The following UHMK1 variants were observed in gnomAD, a reference collection of about 807,000 sequenced individuals.
UHMK1 encodes serine/threonine-protein kinase Kist.
A neutral mutation model predicts 44.0 loss-of-function variants in UHMK1; 18 were observed. That is an observed-to-expected ratio of 0.41 (90% CI 0.28 to 0.61). UHMK1 has a LOEUF of 0.61. Ranked by LOEUF, UHMK1 falls within the 20% of genes least tolerant of loss-of-function variation. The probability of loss-of-function intolerance (pLI) is 0.31; values close to 1 mark genes in which losing one functional copy is unlikely to be tolerated. For synonymous variants in UHMK1, 231 were observed against 198.5 expected (o/e 1.16, Z -1.38); for missense variants, 463 against 522.5 (o/e 0.89, Z 1.11).
rs1652053592 is a variant in UHMK1, at chr1:162,521,383, T to G, written c.1114-1021T>G. ...GCATGTCTACTCATTTATCGAACTTTGCTCTATAGGTTTGGGCATAATTAA... is the reference window on the plus strand; with the variant it reads ...GCATGTCTACTCATTTATCGAACTTGGCTCTATAGGTTTGGGCATAATTAA... On this transcript the variant is annotated intron_variant, in intron 7 of 7. Coordinates refer to ENST00000489294, the MANE Select transcript of UHMK1 (RefSeq NM_175866.5). 2.6e-5 allele frequency among the ~76,000 whole-genome samples: 4 copies of G among 152,228 alleles called. No homozygotes were observed. In the Middle Eastern group the frequency reaches 0.014, roughly 518 times the overall value.
Position 162,498,204 on chromosome 1 carries a change from C to A in UHMK1, c.204C>A (p.Ala68=), listed in dbSNP as rs1438737723. ...PPGTTGAAAS[A]AEYGFRKERA... ...GAACCACCGGGGCTGCGGCCTCTGC[C>A]GCCGAGTATGGTTTCCGCAAAGAGA... Residue 68 remains alanine, a synonymous_variant, in exon 1 of 8, where the codon GCC becomes GCA. Transcript: ENST00000489294. 1.9e-6 allele frequency: 3 copies of A among 1,612,290 alleles called. No homozygotes were observed. Among genetic ancestry groups the A allele is most frequent in the South Asian group, 2.2e-5 (2 of 90,922 alleles).
intron 4 of UHMK1, among the ~76,000 whole-genome samples, chr1:162,508,523 G>A (rs1287351856): frequency 1.3e-5 from 2 of 151,694 alleles, no homozygotes; most frequent in Non-Finnish European, 2.9e-5. Flanking sequence ...GGCCAACATG[G>A]TGAAATCCCG....
intron 3 of UHMK1, among the ~76,000 whole-genome samples, chr1:162,501,926 TAAAAAAA>T (rs34424551): frequency 2.4e-4 from 31 of 130,314 alleles, no homozygotes; most frequent in Non-Finnish European, 4.4e-4. Context: ...CAGTCTCTAG[TAAAAAAA>T]AAAAAAAAAA....
Position 162,522,725 on chromosome 1 carries a change from A to G in UHMK1, c.*175A>G. On this transcript the variant is annotated 3_prime_UTR_variant, in exon 8 of 8. Transcript: ENST00000489294. The stretch of plus-strand genomic sequence containing the variant: ...ACTGCGTTGCATACATTTGGCACTG[A>G]GTAGGACAAGACCTCTCAGCTATAC... The G allele has an allele frequency of 1.4e-6, 1 of 691,530 alleles. No individual in the cohort carries two copies. The highest frequency in any genetic ancestry group is 2.3e-6 in the Non-Finnish European group (1 of 431,642). The allele number at this position is 691,530 out of a possible 1,614,324, so 42.8% of individuals were successfully genotyped here. A position where few individuals can be genotyped will look rare whatever the true frequency, so the allele number is the denominator to read the frequency against.
chr1:162,514,317 G>A (rs1286244402), intron 6 of UHMK1, among the ~76,000 whole-genome samples: 4 of 151,788 alleles, frequency 2.6e-5, no homozygotes, highest in African/African-American at 9.7e-5. Flanking sequence ...GGTAGACTGA[G>A]TTTACATGAT....
intron 4 of UHMK1, among the ~76,000 whole-genome samples, chr1:162,509,788 G>A (rs996755423): frequency 6.6e-6 from 1 of 152,152 alleles, no homozygotes; most frequent in African/African-American, 2.4e-5. Flanking sequence ...GACTACAGGT[G>A]CACAGCACCA....
At chr1:162,521,715 G>A (rs1192363554) in intron 7 of UHMK1, among the ~76,000 whole-genome samples, 2 of 152,168 alleles carry the variant, frequency 1.3e-5, no homozygotes, top group South Asian at 2.1e-4. Flanking sequence ...TGCAACCTTC[G>A]CCTCCCGGGT....
chr1:162,502,348 C>T (rs1651301449), intron 3 of UHMK1, among the ~76,000 whole-genome samples: 1 of 152,066 alleles, frequency 6.6e-6, no homozygotes. Flanking sequence ...CACTGATTTC[C>T]ATTGTAGCAT....
intron 6 of UHMK1, among the ~76,000 whole-genome samples, chr1:162,517,800 G>T (rs573677048): frequency 1.3e-5 from 2 of 151,944 alleles, no homozygotes; most frequent in East Asian, 3.9e-4. Context: ...GAGAAGAATC[G>T]CTTGAACCCG....
Position 162,518,113 on chromosome 1 carries a change from G to C in UHMK1, c.1036G>C (p.Asp346His). 2.5e-6 allele frequency: 4 copies of C among 1,610,732 alleles called. No individual in the cohort carries two copies. Among genetic ancestry groups the C allele is most frequent in the Non-Finnish European group, 3.4e-6 (4 of 1,177,122 alleles). The change falls in exon 7 of 8, where the codon GAT (aspartate) becomes CAT (histidine). Residue 346 changes from aspartate (D) to histidine (H), a missense_variant. Physicochemically the swap from Asp to His is moderately conservative, Grantham distance 81. Transcript: ENST00000489294. ...GTTTTAATAATCAGATGTTGTAGAA[G>C]ATGTAAAAGAGGAGTGTCAAAAATA... ...NEEEYEDVVE[D>H]VKEECQKYGP...
intron 4 of UHMK1, among the ~76,000 whole-genome samples, chr1:162,507,474 G>A (rs920459860): frequency 2.0e-5 from 3 of 151,180 alleles, no homozygotes; most frequent in Admixed American, 2.0e-4. Context: ...TAAGAGACGA[G>A]GTCCCACCAT....
At position 162,506,223 on chromosome 1, in the gene UHMK1, G is replaced by GC. The variant is rs3035616; in HGVS notation, c.848+2388dup. Among the ~76,000 whole-genome samples, 795 of 121,448 alleles carry GC rather than the reference G, an allele frequency of 6.5e-3. 3 individuals carry two copies. The highest frequency in any genetic ancestry group is 9.2e-3 in the Non-Finnish European group (532 of 57,520). The allele number at this position is 121,448 out of a possible 152,430, so 79.7% of individuals were successfully genotyped here. A position where few individuals can be genotyped will look rare whatever the true frequency, so the allele number is the denominator to read the frequency against. ...TTATTTTTATTTTTTTTAAATAATAGCCCCCCCCCCCCCACCATTTTACAT... is the reference window on the plus strand; with the variant it reads ...TTATTTTTATTTTTTTTAAATAATAGCCCCCCCCCCCCCCACCATTTTACAT... On this transcript the variant is annotated intron_variant, in intron 4 of 7. Transcript: ENST00000489294.
rs1488586893 is a variant in UHMK1, at chr1:162,528,258, A to G, written c.*5708A>G. Reference sequence around the variant, plus strand: ...AGAGTAAAGAGGAGAGAGATAAGTAATAAAAATAGAGGAGGGGAAGAAAAT... The same window carrying G: ...AGAGTAAAGAGGAGAGAGATAAGTAGTAAAAATAGAGGAGGGGAAGAAAAT... On this transcript the variant is annotated 3_prime_UTR_variant, in exon 8 of 8. Transcript: ENST00000489294. The G allele has an allele frequency of 6.6e-6, 1 of 152,048 alleles. No individual in the cohort carries two copies. The highest frequency in any genetic ancestry group is 1.5e-5 in the Non-Finnish European group (1 of 67,942). 9.4% of individuals were successfully genotyped at this position (152,048 alleles called of 1,614,324 possible). A position where few individuals can be genotyped will look rare whatever the true frequency, so the allele number is the denominator to read the frequency against.
intron 7 of UHMK1, among the ~76,000 whole-genome samples, chr1:162,519,060 T>C (rs1282547793): frequency 1.3e-5 from 2 of 151,194 alleles, no homozygotes; most frequent in Admixed American, 1.3e-4. Context: ...CTCATGCATG[T>C]AATCCTAGCA....
intron 4 of UHMK1, among the ~76,000 whole-genome samples, chr1:162,505,050 C>T (rs980263511): frequency 5.9e-5 from 9 of 152,272 alleles, no homozygotes; most frequent in Admixed American, 1.3e-4. Context: ...GCTGGGATTA[C>T]AGGTGTGTGC....
Position 162,512,526 on chromosome 1 carries a change from G to A in UHMK1, c.875G>A (p.Arg292Lys). The A allele has an allele frequency of 1.2e-6, 2 of 1,612,890 alleles. No individual in the cohort carries two copies. Among genetic ancestry groups the A allele is most frequent in the Non-Finnish European group, 1.7e-6 (2 of 1,179,770 alleles). ...KSMLHDDPSRRIPAEMALCSP... is the reference protein window; with the variant it reads ...KSMLHDDPSRKIPAEMALCSP... ...ATGCTTCATGATGATCCAAGCAGAA[G>A]AATTCCTGCTGAAATGGCATTGTGC... The change falls in exon 5 of 8, where the codon AGA (arginine) becomes AAA (lysine). Residue 292 changes from arginine to lysine, a missense_variant. By Grantham distance (26) the Arg-to-Lys change is conservative. This residue lies in a region of UHMK1 where 264 missense variants were observed against 326.3 expected (regional missense o/e 0.81). Coordinates refer to ENST00000489294, the MANE Select transcript of UHMK1 (RefSeq NM_175866.5).
intron 4 of UHMK1, among the ~76,000 whole-genome samples, chr1:162,508,697 G>A (rs1651563207): frequency 6.7e-6 from 1 of 149,564 alleles, no homozygotes; most frequent in Non-Finnish European, 1.5e-5. Flanking sequence ...GCAGGACTCT[G>A]TCTTCAAAAA....
intron 4 of UHMK1, among the ~76,000 whole-genome samples, chr1:162,508,277 A>G (rs1651548231): frequency 6.6e-6 from 1 of 151,882 alleles, no homozygotes; most frequent in Non-Finnish European, 1.5e-5. Context: ...AGGCCCAACT[A>G]ATTTTCATGT....
Position 162,519,314 on chromosome 1 carries a change from T to TAA in UHMK1, c.1113+1124_1113+1125insAA, listed in dbSNP as rs1320079950. 1.1e-3 allele frequency among the ~76,000 whole-genome samples: 66 copies of TAA among 57,848 alleles called. 2 individuals carry two copies. The South Asian group carries it at 0.035, about 31-fold the overall frequency. The allele number at this position is 57,848 out of a possible 152,430, so 38.0% of individuals were successfully genotyped here. A position where few individuals can be genotyped will look rare whatever the true frequency, so the allele number is the denominator to read the frequency against. ...CTGGGTGACAGAGCGAGACTCCATC[T>TAA]TAAAAAAAAAAAAAACAGTAACACC... On this transcript the variant is annotated intron_variant, in intron 7 of 7. Coordinates refer to ENST00000489294, the MANE Select transcript of UHMK1 (RefSeq NM_175866.5).
Sources: gnomAD v4.1 joint callset for allele counts (sites outside exome capture counted in the v4.1 genomes callset) on GRCh38, gnomAD v4.1.1 for gene constraint, gnomAD v4.1.1 regional missense constraint, MANE v1.5 for transcripts, NCBI Gene and HGNC (gene_info 2026-07-23, HGNC 2026-07-21) for gene names.